The following SLC35F1 variants were observed in gnomAD, a reference collection of about 807,000 sequenced individuals.
SLC35F1 encodes chromosome 6 open reading frame 169.
Under a neutral mutation model 48.7 loss-of-function variants are expected in SLC35F1, and 14 were observed. The ratio of observed to expected loss-of-function variants is 0.29; its 90% CI spans 0.19 to 0.45. The LOEUF (loss-of-function observed/expected upper bound fraction) is 0.45, where lower values mean the gene tolerates loss of function less well. SLC35F1 is among the 20% of genes least tolerant of loss of function. The pLI, the probability that SLC35F1 is intolerant of heterozygous loss-of-function variation, is 1.00. For missense variants in SLC35F1, 404 were observed against 500.0 expected (o/e 0.81, Z 1.83); for synonymous variants, 190 against 202.2 (o/e 0.94, Z 0.51).
chr6:118,299,181 AAAAC>A (rs1288504479), intron 7 of SLC35F1, among the ~76,000 whole-genome samples: 5 of 152,198 alleles, frequency 3.3e-5, no homozygotes, highest in African/African-American at 1.2e-4. Context: ...CCCTATCTCA[AAAAC>A]AAACAAACAA....
intron 1 of SLC35F1, among the ~76,000 whole-genome samples, chr6:118,025,503 C>T (rs574032528): frequency 6.6e-6 from 1 of 152,198 alleles, no homozygotes; most frequent in Admixed American, 6.5e-5. Flanking sequence ...ATGCTGTGCT[C>T]TTTGGAAGGA....
chr6:118,233,466 G>A (rs972825611), intron 2 of SLC35F1, among the ~76,000 whole-genome samples: 1 of 152,194 alleles, frequency 6.6e-6, no homozygotes, highest in Non-Finnish European at 1.5e-5. Flanking sequence ...GCCTTCTCAT[G>A]TGCAAAACCA....
At chr6:118,190,251 T>C (rs1582720621) in intron 2 of SLC35F1, among the ~76,000 whole-genome samples, 1 of 152,190 alleles carries the variant, frequency 6.6e-6, no homozygotes, top group African/African-American at 2.4e-5. Context: ...TTCCTCCTTA[T>C]ACTGGAACAT....
intron 3 of SLC35F1, among the ~76,000 whole-genome samples, chr6:118,266,347 C>G (rs1248549613): frequency 6.6e-6 from 1 of 151,982 alleles, no homozygotes; most frequent in Non-Finnish European, 1.5e-5. Context: ...TTTTGCTATA[C>G]TCTATTCAAC....
intron 1 of SLC35F1, among the ~76,000 whole-genome samples, chr6:118,022,930 T>A (rs886269082): frequency 3.9e-5 from 6 of 151,982 alleles, no homozygotes; most frequent in African/African-American, 1.4e-4. Context: ...CTTTTTTTTC[T>A]TGTATTTTTA....
intron 1 of SLC35F1, among the ~76,000 whole-genome samples, chr6:118,111,283 C>T (rs1773395847): frequency 6.6e-6 from 1 of 152,088 alleles, no homozygotes; most frequent in Non-Finnish European, 1.5e-5. Context: ...AATCTACACC[C>T]CTGTATATCA....
intron 3 of SLC35F1, among the ~76,000 whole-genome samples, chr6:118,248,097 A>T (rs1775530603): frequency 6.6e-6 from 1 of 152,184 alleles, no homozygotes; most frequent in Admixed American, 6.5e-5. Context: ...TACAACCATA[A>T]CCTTCCAGAG....
chr6:117,941,434 G>T (rs1453464513), intron 1 of SLC35F1, among the ~76,000 whole-genome samples: 1 of 152,100 alleles, frequency 6.6e-6, no homozygotes, highest in Non-Finnish European at 1.5e-5. Flanking sequence ...CTGAATAGGG[G>T]TCACATCTTT....
At chr6:117,943,506 G>A (rs773616123) in intron 1 of SLC35F1, among the ~76,000 whole-genome samples, 6 of 152,124 alleles carry the variant, frequency 3.9e-5, no homozygotes, top group Non-Finnish European at 7.4e-5. Flanking sequence ...TTGAAGTGAT[G>A]GACATTGATA....
At chr6:117,997,469 C>T (rs9374697) in intron 1 of SLC35F1, among the ~76,000 whole-genome samples, 150,901 of 151,784 alleles carry the variant, frequency 0.99, 75,016 homozygotes, top group Middle Eastern at 1. Context: ...AGACACATAA[C>T]TGTCAGATTC....
chr6:118,072,289 G>T (rs1436589564), intron 1 of SLC35F1, among the ~76,000 whole-genome samples: 2 of 152,080 alleles, frequency 1.3e-5, no homozygotes, highest in Non-Finnish European at 2.9e-5. Context: ...TTTTGACCAG[G>T]CACGGTGGCT....
intron 2 of SLC35F1, among the ~76,000 whole-genome samples, chr6:118,183,809 T>A (rs929938462): frequency 6.6e-6 from 1 of 152,200 alleles, no homozygotes; most frequent in Non-Finnish European, 1.5e-5. Context: ...TTTTACAAAT[T>A]ACTGTGAACA....
intron 1 of SLC35F1, among the ~76,000 whole-genome samples, chr6:117,917,458 C>A (rs891174661): frequency 1.3e-5 from 2 of 151,652 alleles, no homozygotes; most frequent in African/African-American, 4.8e-5. Context: ...TGGCCTGTAG[C>A]AACAGAAGTG....
chr6:118,006,514 G>C (rs1777176662), intron 1 of SLC35F1, among the ~76,000 whole-genome samples: 1 of 152,096 alleles, frequency 6.6e-6, no homozygotes, highest in South Asian at 2.1e-4. Context: ...AGCTATTTGG[G>C]AGGCTGAGGC....
chr6:117,920,667 C>G (rs1271024017), intron 1 of SLC35F1, among the ~76,000 whole-genome samples: 1 of 152,132 alleles, frequency 6.6e-6, no homozygotes, highest in Admixed American at 6.5e-5. Flanking sequence ...GTTTGCATAT[C>G]AAGAACACAG....
intron 2 of SLC35F1, among the ~76,000 whole-genome samples, chr6:118,175,758 TAGA>T (rs1774479055): frequency 6.6e-6 from 1 of 152,072 alleles, no homozygotes; most frequent in Non-Finnish European, 1.5e-5. Context: ...CTTCTTGAGG[TAGA>T]AGATGAGAGT....
intron 1 of SLC35F1, among the ~76,000 whole-genome samples, chr6:118,026,748 A>G (rs1418662517): frequency 6.6e-6 from 1 of 152,176 alleles, no homozygotes; most frequent in Non-Finnish European, 1.5e-5. Context: ...GGGATGAAAA[A>G]ACTAAAAGAT....
chr6:118,306,766 G>C (rs1047044898), intron 7 of SLC35F1, among the ~76,000 whole-genome samples: 1 of 152,142 alleles, frequency 6.6e-6, no homozygotes, highest in Non-Finnish European at 1.5e-5. Context: ...ATAGAAATCT[G>C]TGTGAACAAG....
rs150571037 is a variant in SLC35F1 at position 118,046,851 on chromosome 6, C to T, written c.174-107594C>T. ...TTGCCAAAAGTTACACAGTAATTTACGTAGTGAAAATGGGACTCCAGCCTG... is the reference window on the plus strand; with the variant it reads ...TTGCCAAAAGTTACACAGTAATTTATGTAGTGAAAATGGGACTCCAGCCTG... On this transcript the variant is annotated intron_variant, in intron 1 of 7. Transcript: ENST00000360388. 6.7e-4 allele frequency among the ~76,000 whole-genome samples: 102 copies of T among 152,158 alleles called. 2 individuals are homozygous for T. In the East Asian group the frequency reaches 0.017, roughly 25 times the overall value.
Sources: gnomAD v4.1 joint callset for allele counts (sites outside exome capture counted in the v4.1 genomes callset) on GRCh38, gnomAD v4.1.1 for gene constraint, MANE v1.5 for transcripts, NCBI Gene and HGNC (gene_info 2026-07-23, HGNC 2026-07-21) for gene names.